The following DLG2 variants were observed in gnomAD, a reference collection of about 807,000 sequenced individuals.
DLG2 encodes the protein discs large MAGUK scaffold protein 2, also known as disks large homolog 2.
Under a neutral mutation model 132.5 loss-of-function variants are expected in DLG2, and 45 were observed. The ratio of observed to expected loss-of-function variants is 0.34; its 90% CI spans 0.27 to 0.44. DLG2 has a LOEUF of 0.44. Among genes scored for constraint, DLG2 ranks in the 20% least tolerant of loss-of-function variants. DLG2 has a pLI of 1.00. For synonymous variants in DLG2, 424 were observed against 419.6 expected (o/e 1.01, Z -0.13); for missense variants, 1,045 against 1,196.9 (o/e 0.87, Z 1.87).
chr11:83,932,083 A>G (rs1332050570), intron 14 of DLG2, among the ~76,000 whole-genome samples: 1 of 152,196 alleles, frequency 6.6e-6, no homozygotes, highest in Non-Finnish European at 1.5e-5. Context: ...AGATGAGTAG[A>G]TGAAAGTATA....
At chr11:83,656,151 A>G (rs2072347971) in intron 18 of DLG2, among the ~76,000 whole-genome samples, 1 of 152,244 alleles carries the variant, frequency 6.6e-6, no homozygotes, top group African/African-American at 2.4e-5. Context: ...TGCAGAACAC[A>G]ACCCTGAACA....
At chr11:83,923,866 T>A (rs142491658) in intron 15 of DLG2, among the ~76,000 whole-genome samples, 1 of 152,206 alleles carries the variant, frequency 6.6e-6, no homozygotes, top group African/African-American at 2.4e-5. Flanking sequence ...GTGTCTTTGC[T>A]CAGCTTTAAA....
At chr11:85,161,619 T>C (rs1423519760) in intron 4 of DLG2, among the ~76,000 whole-genome samples, 3 of 152,232 alleles carry the variant, frequency 2.0e-5, no homozygotes, top group South Asian at 2.1e-4. Flanking sequence ...ACCACAGTCA[T>C]GGTATTCCAT....
chr11:83,840,895 CT>C lies in DLG2; in HGVS notation c.1566-7126del, dbSNP rs1480628806. Among the ~76,000 whole-genome samples the C allele has an allele frequency of 2.8e-4, 43 of 152,208 alleles. 2 individuals are homozygous for C. The highest frequency in any genetic ancestry group is 5.9e-5 in the Non-Finnish European group (4 of 68,034). On this transcript the variant is annotated intron_variant, in intron 16 of 27. Coordinates refer to ENST00000376104, the MANE Select transcript of DLG2 (RefSeq NM_001142699.3). ...CACATTTAGCCCATCCTTTTCTTCA[CT>C]TTTCAGTTTCTCCCATTCTGTAATA...
chr11:85,463,323 T>C (rs187692805), intron 3 of DLG2, among the ~76,000 whole-genome samples: 23 of 152,354 alleles, frequency 1.5e-4, no homozygotes, highest in Admixed American at 7.2e-4. Flanking sequence ...GGCAATACTG[T>C]ATTTTTCTTG....
At chr11:85,254,569 G>GA (rs1350865810) in intron 4 of DLG2, among the ~76,000 whole-genome samples, 1 of 152,042 alleles carries the variant, frequency 6.6e-6, no homozygotes, top group South Asian at 2.1e-4. Flanking sequence ...AGAAAAATAG[G>GA]AAAAAAAGTC....
At chr11:84,736,254 T>C (rs1403436150) in intron 6 of DLG2, among the ~76,000 whole-genome samples, 3 of 151,972 alleles carry the variant, frequency 2.0e-5, no homozygotes, top group East Asian at 1.9e-4. Flanking sequence ...CCACCAATAC[T>C]ATATTTTGGT....
At chr11:83,614,647 G>T (rs1437630920) in intron 19 of DLG2, among the ~76,000 whole-genome samples, 1 of 152,052 alleles carries the variant, frequency 6.6e-6, no homozygotes, top group Non-Finnish European at 1.5e-5. Context: ...TGAGCCTGGG[G>T]AGGTTGAGGC....
At chr11:85,133,217 A>G (rs1162295255) in intron 5 of DLG2, 1 of 158,164 alleles carries the variant, frequency 6.3e-6, no homozygotes, top group African/African-American at 2.4e-5. Context: ...TATACTCATA[A>G]TATTTTCTTT....
intron 16 of DLG2, among the ~76,000 whole-genome samples, chr11:83,845,930 C>A (rs2058533043): frequency 1.3e-5 from 2 of 152,196 alleles, no homozygotes; most frequent in Admixed American, 6.5e-5. Flanking sequence ...TAGAATCACA[C>A]AGCAAGTGCT....
chr11:84,346,938 C>T (rs766020116), intron 7 of DLG2, among the ~76,000 whole-genome samples: 1 of 152,142 alleles, frequency 6.6e-6, no homozygotes, highest in Non-Finnish European at 1.5e-5. Context: ...CTTTCAAGAC[C>T]TCTTTCCCTA....
chr11:83,490,737 T>G (rs1033572946), intron 21 of DLG2, among the ~76,000 whole-genome samples: 3 of 152,002 alleles, frequency 2.0e-5, no homozygotes, highest in African/African-American at 4.8e-5. Context: ...ACATCACTTC[T>G]GTAGTATTTC....
chr11:84,531,039 C>G (rs1202409773), intron 7 of DLG2, among the ~76,000 whole-genome samples: 2 of 152,122 alleles, frequency 1.3e-5, no homozygotes, highest in African/African-American at 4.8e-5. Context: ...TCACTTGAAC[C>G]TGGGAGGTAG....
At chr11:83,527,101 G>A (rs1459956018) in intron 21 of DLG2, among the ~76,000 whole-genome samples, 2 of 152,178 alleles carry the variant, frequency 1.3e-5, no homozygotes, top group Admixed American at 6.5e-5. Context: ...GCCACAGTGA[G>A]AAAGTGTGTA....
intron 18 of DLG2, among the ~76,000 whole-genome samples, chr11:83,653,507 A>C (rs894002228): frequency 2.0e-5 from 3 of 152,168 alleles, no homozygotes; most frequent in Non-Finnish European, 4.4e-5. Context: ...AGCAGGCTAC[A>C]CCTTGGGCCC....
rs79573018 is a variant in DLG2 at position 84,794,563 on chromosome 11, C to G, written c.358-259832G>C. 7.3e-3 allele frequency among the ~76,000 whole-genome samples: 1,111 copies of G among 152,308 alleles called. 16 individuals carry two copies. The highest frequency in any genetic ancestry group is 0.024 in the African/African-American group (1,014 of 41,560). On this transcript the variant is annotated intron_variant, in intron 6 of 27. Transcript: ENST00000376104. ...GGGAGCAGGCAGAAGCCTCACCTCCCAGGATGCAGCTGCAGCCACCCAGGG... is the reference window on the plus strand; with the variant it reads ...GGGAGCAGGCAGAAGCCTCACCTCCGAGGATGCAGCTGCAGCCACCCAGGG...
intron 5 of DLG2, among the ~76,000 whole-genome samples, chr11:85,124,332 C>T (rs76165958): frequency 0.023 from 3,521 of 152,302 alleles, 65 homozygotes; most frequent in Non-Finnish European, 0.035. Context: ...TTTTTCTCTA[C>T]CATACGGTGA....
chr11:83,783,423 A>G (rs2094917462), intron 18 of DLG2, among the ~76,000 whole-genome samples: 1 of 152,252 alleles, frequency 6.6e-6, no homozygotes, highest in Non-Finnish European at 1.5e-5. Flanking sequence ...TATGAGGAAC[A>G]CAGTTGGAAA....
intron 3 of DLG2, among the ~76,000 whole-genome samples, chr11:85,356,856 T>G (rs1166013571): frequency 6.6e-6 from 1 of 151,986 alleles, no homozygotes; most frequent in Admixed American, 6.6e-5. Context: ...CACTCTTTCA[T>G]TTTGCTCAGT....
Sources: allele counts gnomAD v4.1 joint callset (sites outside exome capture counted in the v4.1 genomes callset), GRCh38; gene constraint gnomAD v4.1.1; transcripts MANE v1.5; gene names NCBI Gene and HGNC (gene_info 2026-07-23, HGNC 2026-07-21).